Variants in JAKMIP2 observed in about 807,000 individuals in gnomAD.
JAKMIP2 encodes janus kinase and microtubule interacting protein 2.
Under a neutral mutation model 115.0 loss-of-function variants are expected in JAKMIP2, and 25 were observed. The observed-to-expected ratio is 0.22, with a 90% CI of 0.16 to 0.30. The LOEUF (loss-of-function observed/expected upper bound fraction) is 0.30, where lower values mean the gene tolerates loss of function less well. Among genes scored for constraint, JAKMIP2 ranks in the 10% least tolerant of loss-of-function variants. The pLI is 1.00. For missense variants in JAKMIP2, 642 were observed against 957.6 expected (o/e 0.67, Z 4.35); for synonymous variants, 334 against 343.6 (o/e 0.97, Z 0.31).
At chr5:147,728,616 C>A (rs1225669631) in intron 1 of JAKMIP2, among the ~76,000 whole-genome samples, 1 of 152,096 alleles carries the variant, frequency 6.6e-6, no homozygotes, top group Non-Finnish European at 1.5e-5. Flanking sequence ...GATTAACTGG[C>A]TGAAAAATAA....
At chr5:147,755,140 G>C (rs1250203821) in intron 1 of JAKMIP2, among the ~76,000 whole-genome samples, 1 of 152,128 alleles carries the variant, frequency 6.6e-6, no homozygotes, top group Admixed American at 6.5e-5. Flanking sequence ...CAAGAGTTTT[G>C]AACAAAGCTT....
chr5:147,703,592 CTTT>C (rs543400413), intron 1 of JAKMIP2, among the ~76,000 whole-genome samples: 8 of 139,524 alleles, frequency 5.7e-5, no homozygotes, highest in Non-Finnish European at 7.9e-5. Flanking sequence ...CGTACTGTAA[CTTT>C]TTTTTTTTTT....
In JAKMIP2 at chr5:147,606,323, G is replaced by A. The variant is rs71422531; in HGVS notation, c.2413-4512C>T. Among the ~76,000 whole-genome samples the A allele has an allele frequency of 6.5e-3, 985 of 152,196 alleles. 17 individuals carry two copies. Among genetic ancestry groups the A allele is most frequent in the African/African-American group, 0.023 (944 of 41,526 alleles). The stretch of plus-strand genomic sequence containing the variant: ...AGGTTTTTATGGTTTTAGGTCTTAC[G>A]TTTAAATCTTTAATCCATCTTGAGT... On this transcript the variant is annotated intron_variant, in intron 20 of 21. Transcript: ENST00000616793.
intron 16 of JAKMIP2, among the ~76,000 whole-genome samples, chr5:147,627,677 G>T (rs1757158696): frequency 1.9e-4 from 3 of 15,728 alleles, no homozygotes; most frequent in African/African-American, 2.4e-4. Flanking sequence ...AAGCCTTTCT[G>T]TAAAAAAAAA....
chr5:147,608,331 A>G (rs1048144100), intron 20 of JAKMIP2, among the ~76,000 whole-genome samples: 1 of 152,194 alleles, frequency 6.6e-6, no homozygotes, highest in Admixed American at 6.5e-5. Context: ...ATTTCCCTCT[A>G]AACACTGTTT....
intron 1 of JAKMIP2, among the ~76,000 whole-genome samples, chr5:147,737,647 T>A (rs1753976458): frequency 6.6e-6 from 1 of 152,216 alleles, no homozygotes; most frequent in Non-Finnish European, 1.5e-5. Flanking sequence ...GTGGTTTAAG[T>A]GTCTGAGTTA....
intron 3 of JAKMIP2, among the ~76,000 whole-genome samples, chr5:147,650,988 T>C (rs1489091400): frequency 3.3e-5 from 5 of 152,186 alleles, no homozygotes; most frequent in Non-Finnish European, 7.4e-5. Context: ...CTCCTGTTAG[T>C]AGCTGGTCAT....
chr5:147,716,587 G>A (rs1753008912), intron 1 of JAKMIP2, among the ~76,000 whole-genome samples: 1 of 152,118 alleles, frequency 6.6e-6, no homozygotes, highest in Admixed American at 6.5e-5. Flanking sequence ...GCATTTCTCT[G>A]ATGGCCAGCG....
chr5:147,586,317 A>T lies in JAKMIP2; in HGVS notation c.*5390T>A, dbSNP rs1455383469. The T allele has an allele frequency of 6.6e-6, 1 of 152,188 alleles. No homozygotes were observed. Among genetic ancestry groups the T allele is most frequent in the Admixed American group, 6.6e-5 (1 of 15,266 alleles). The allele number at this position is 152,188 out of a possible 1,614,324, so 9.4% of individuals were successfully genotyped here. A position where few individuals can be genotyped will look rare whatever the true frequency, so the allele number is the denominator to read the frequency against. ...GCATATATTTACATCACATATTTAT[A>T]AAAATGTTTGGATTTTGATCTGCCT... is the stretch of plus-strand genomic sequence containing the variant. On this transcript the variant is annotated 3_prime_UTR_variant, in exon 22 of 22. Coordinates refer to ENST00000616793, the MANE Select transcript of JAKMIP2 (RefSeq NM_001270941.2).
chr5:147,692,744 G>A (rs993382617), intron 1 of JAKMIP2, among the ~76,000 whole-genome samples: 3 of 152,096 alleles, frequency 2.0e-5, no homozygotes, highest in African/African-American at 4.8e-5. Flanking sequence ...GGGGACATGC[G>A]GAAACGGTCC....
intron 1 of JAKMIP2, among the ~76,000 whole-genome samples, chr5:147,702,592 GAAAGAAAGAAGGAAAGAAAGAAA>G (rs1752388184): frequency 8.6e-6 from 1 of 116,956 alleles, no homozygotes; most frequent in Non-Finnish European, 1.7e-5. Flanking sequence ...AAGAAAGAAA[GAAAGAAAGAAGGAAAGAAAGAAA>G]GAAAGAAAGA....
intron 1 of JAKMIP2, among the ~76,000 whole-genome samples, chr5:147,728,280 T>C (rs956957357): frequency 6.6e-6 from 1 of 152,178 alleles, no homozygotes; most frequent in Non-Finnish European, 1.5e-5. Flanking sequence ...CACTGAGAGA[T>C]AAGGCTCCCA....
intron 19 of JAKMIP2, among the ~76,000 whole-genome samples, chr5:147,614,896 G>A (rs186108414): frequency 7.4e-4 from 113 of 152,262 alleles, no homozygotes; most frequent in Middle Eastern, 3.4e-3. Context: ...TGTCTTCTGG[G>A]ACACTTGGCC....
At position 147,671,881 on chromosome 5, in the gene JAKMIP2, C is replaced by T; in HGVS notation, c.-75G>A. 2.8e-6 allele frequency: 4 copies of T among 1,429,406 alleles called. No individual in the cohort carries two copies. The South Asian group carries it at 6.6e-5, about 23-fold the overall frequency. The allele number at this position is 1,429,406 out of a possible 1,614,324, so 88.5% of individuals were successfully genotyped here. A position where few individuals can be genotyped will look rare whatever the true frequency, so the allele number is the denominator to read the frequency against. Reference sequence around the variant, plus strand: ...TGCTGCCATGTTACTGTTTCTTATCCTGGAGTACGATGTCTCAGCATCTAC... The same window carrying T: ...TGCTGCCATGTTACTGTTTCTTATCTTGGAGTACGATGTCTCAGCATCTAC... On this transcript the variant is annotated 5_prime_UTR_variant, in exon 2 of 22. Coordinates refer to ENST00000616793, the MANE Select transcript of JAKMIP2 (RefSeq NM_001270941.2).
In JAKMIP2 at chr5:147,590,689, AT is replaced by A. The variant is rs1044490760; in HGVS notation, c.*1017del. On this transcript the variant is annotated 3_prime_UTR_variant, in exon 22 of 22. Transcript: ENST00000616793. The stretch of plus-strand genomic sequence containing the variant: ...CATATAGCATATTCATTTGCAGGCA[AT>A]TTTAAGCAGCCATTTGAAAAACAGT... 6.6e-6 allele frequency: 1 copy of A among 152,186 alleles called. No individual in the cohort carries two copies. The highest frequency in any genetic ancestry group is 2.4e-5 in the African/African-American group (1 of 41,440). 9.4% of individuals were successfully genotyped at this position (152,186 alleles called of 1,614,324 possible). A position where few individuals can be genotyped will look rare whatever the true frequency, so the allele number is the denominator to read the frequency against.
At chr5:147,735,908 T>G (rs1454490366) in intron 1 of JAKMIP2, among the ~76,000 whole-genome samples, 1 of 152,172 alleles carries the variant, frequency 6.6e-6, no homozygotes, top group East Asian at 1.9e-4. Flanking sequence ...GTGAGTAGTT[T>G]CATAGTTCTG....
chr5:147,620,874 G>T, intron 17 of JAKMIP2, 131 bp from the exon 18 acceptor site: 2 of 621,732 alleles, frequency 3.2e-6, no homozygotes, highest in South Asian at 4.3e-5. Context: ...CATAAATTTT[G>T]TCTGTTAGGG....
At chr5:147,672,712 C>T (rs574416635) in intron 1 of JAKMIP2, among the ~76,000 whole-genome samples, 2 of 152,236 alleles carry the variant, frequency 1.3e-5, no homozygotes, top group African/African-American at 4.8e-5. Context: ...GAAAGGCTCG[C>T]TGAAGAAGAC....
At chr5:147,665,271 T>C (rs1759237312) in intron 2 of JAKMIP2, among the ~76,000 whole-genome samples, 1 of 152,242 alleles carries the variant, frequency 6.6e-6, no homozygotes, top group Non-Finnish European at 1.5e-5. Context: ...AGAGACTGTC[T>C]AGTCCACAAA....
Sources: gnomAD v4.1 joint callset for allele counts (sites outside exome capture counted in the v4.1 genomes callset) on GRCh38, gnomAD v4.1.1 for gene constraint, MANE v1.5 for transcripts, NCBI Gene and HGNC (gene_info 2026-07-23, HGNC 2026-07-21) for gene names.